SLC22A23: variants seen among roughly 807,000 people sequenced by gnomAD.
The protein encoded by SLC22A23 is solute carrier family 22 member 23.
In SLC22A23, 26 loss-of-function variants were observed where a neutral mutation model predicts 61.0. That is an observed-to-expected ratio of 0.43 (90% CI 0.31 to 0.59). The LOEUF is 0.59. SLC22A23 is among the 20% of genes least tolerant of loss of function. The pLI, the probability that SLC22A23 is intolerant of heterozygous loss-of-function variation, is 0.11. For missense variants in SLC22A23, 796 were observed against 934.7 expected (o/e 0.85, Z 1.94); for synonymous variants, 430 against 413.9 (o/e 1.04, Z -0.47).
At chr6:3,301,654 TAGGGCCACGTACCCCA>T (rs1404176934) in intron 4 of SLC22A23, among the ~76,000 whole-genome samples, 1 of 152,144 alleles carries the variant, frequency 6.6e-6, no homozygotes, top group Non-Finnish European at 1.5e-5. Context: ...TTCCAACCCC[TAGGGCCACGTACCCCA>T]AGGGCCACTG....
chr6:3,435,897 C>T (rs553651057), intron 1 of SLC22A23, among the ~76,000 whole-genome samples: 2 of 152,270 alleles, frequency 1.3e-5, no homozygotes, highest in Admixed American at 6.5e-5. Flanking sequence ...GGGAGGACCA[C>T]GTGGGGACAG....
At chr6:3,290,078 C>T (rs1208039241) in intron 5 of SLC22A23, 17 of 586,258 alleles carry the variant, frequency 2.9e-5, no homozygotes, top group African/African-American at 2.7e-4. Flanking sequence ...AGGTTTCGCT[C>T]GGGTGCCTGA....
At chr6:3,361,960 G>A (rs1206117943) in intron 3 of SLC22A23, among the ~76,000 whole-genome samples, 2 of 152,182 alleles carry the variant, frequency 1.3e-5, no homozygotes, top group African/African-American at 4.8e-5. Context: ...TGATGGTCAT[G>A]CCAGAGTGCA....
chr6:3,456,293 C>T lies in SLC22A23; in HGVS notation c.267G>A (p.Gly89=). Residue 89 remains glycine, a synonymous_variant, in exon 1 of 10, where the codon GGG becomes GGA. Transcript: ENST00000406686. The surrounding 1 kb of genome is among the most constrained non-coding windows in gnomAD (Gnocchi z 7.1). ...TCTTCTGATAGCCCCCGCCCAGGCC[C>T]CCGAGGAAGGGCAGCACCGACCCGT... ...DYDGSVLPFL[G]GLGGGYQKTL... 6.4e-7 allele frequency: 1 copy of T among 1,551,154 alleles called. No homozygotes were observed. The highest frequency in any genetic ancestry group is 8.7e-7 in the Non-Finnish European group (1 of 1,146,816).
intron 1 of SLC22A23, among the ~76,000 whole-genome samples, chr6:3,445,236 T>A (rs1204284815): frequency 6.6e-6 from 1 of 151,742 alleles, no homozygotes; most frequent in East Asian, 1.9e-4. Flanking sequence ...TCTCACTGTG[T>A]CCCCCAGGCT....
intron 3 of SLC22A23, among the ~76,000 whole-genome samples, chr6:3,346,691 G>C (rs1764458372): frequency 6.6e-6 from 1 of 152,056 alleles, no homozygotes; most frequent in African/African-American, 2.4e-5. Flanking sequence ...AGCCTCTTGG[G>C]AGTCCATGGG....
chr6:3,355,386 T>G (rs949050965), intron 3 of SLC22A23, among the ~76,000 whole-genome samples: 3 of 152,114 alleles, frequency 2.0e-5, no homozygotes, highest in African/African-American at 4.8e-5. Context: ...ATGCTGCTCG[T>G]GGGTTCGTCA....
intron 1 of SLC22A23, among the ~76,000 whole-genome samples, chr6:3,423,254 A>T (rs1373552847): frequency 6.6e-6 from 1 of 152,032 alleles, no homozygotes; most frequent in Non-Finnish European, 1.5e-5. Flanking sequence ...AGTGATGTGT[A>T]GGATTATCTC....
Position 3,324,122 on chromosome 6 carries a change from C to T in SLC22A23, c.914-120G>A, listed in dbSNP as rs1436080740. 1 of 1,256,848 alleles carries T rather than the reference C, an allele frequency of 8.0e-7. No individual in the cohort carries two copies. Among genetic ancestry groups the T allele is most frequent in the Non-Finnish European group, 1.1e-6 (1 of 900,846 alleles). 77.9% of individuals were successfully genotyped at this position (1,256,848 alleles called of 1,614,324 possible). A position where few individuals can be genotyped will look rare whatever the true frequency, so the allele number is the denominator to read the frequency against. On this transcript the variant is annotated intron_variant, in intron 3 of 9. Transcript: ENST00000406686. The surrounding 1 kb of genome is among the most constrained non-coding windows in gnomAD (Gnocchi z 4.3). ...CAACGACTGAAATTGTTTTCATCTG[C>T]TGCCCACCACAAGTGCCCTATGTGG...
chr6:3,280,907 TGTCAGGGAGTCGTCA>T (rs1343404357), intron 9 of SLC22A23, among the ~76,000 whole-genome samples: 2 of 152,048 alleles, frequency 1.3e-5, no homozygotes, highest in African/African-American at 4.8e-5. Context: ...GGAAGACAGA[TGTCAGGGAGTCGTCA>T]GTCAGGGAGT....
At chr6:3,383,085 A>G (rs1767055187) in intron 3 of SLC22A23, among the ~76,000 whole-genome samples, 1 of 152,222 alleles carries the variant, frequency 6.6e-6, no homozygotes, top group Admixed American at 6.5e-5. Context: ...AGAGATGTAT[A>G]AAAGCAATGA....
chr6:3,419,027 C>T (rs1204845007), intron 1 of SLC22A23, among the ~76,000 whole-genome samples: 1 of 152,218 alleles, frequency 6.6e-6, no homozygotes, highest in Non-Finnish European at 1.5e-5. Context: ...AATTTGTTCA[C>T]ATTGCTCTAG....
intron 1 of SLC22A23, among the ~76,000 whole-genome samples, chr6:3,429,491 GCCCA>G (rs550357270): frequency 0.32 from 48,170 of 151,940 alleles, 8,447 homozygotes; most frequent in East Asian, 0.48. Context: ...AAGTCCATTA[GCCCA>G]AGCCGATTAG....
At chr6:3,428,815 G>T (rs553557905) in intron 1 of SLC22A23, among the ~76,000 whole-genome samples, 1 of 152,184 alleles carries the variant, frequency 6.6e-6, no homozygotes, top group Non-Finnish European at 1.5e-5. Context: ...TGCCTAAAAG[G>T]GTAACAATAA....
At chr6:3,352,595 C>A (rs1367990384) in intron 3 of SLC22A23, among the ~76,000 whole-genome samples, 1 of 152,168 alleles carries the variant, frequency 6.6e-6, no homozygotes, top group Non-Finnish European at 1.5e-5. Flanking sequence ...CTCTGCCATT[C>A]TTGTTTTTCC....
At chr6:3,422,372 C>A (rs1254401663) in intron 1 of SLC22A23, among the ~76,000 whole-genome samples, 1 of 152,124 alleles carries the variant, frequency 6.6e-6, no homozygotes, top group Non-Finnish European at 1.5e-5. Flanking sequence ...CACAGACGGA[C>A]AAAAGAAACA....
intron 3 of SLC22A23, among the ~76,000 whole-genome samples, chr6:3,332,763 C>A (rs938290869): frequency 6.6e-6 from 1 of 152,062 alleles, no homozygotes; most frequent in Admixed American, 6.5e-5. Context: ...TCAAAAAAGT[C>A]TCTTTATAGT....
intron 9 of SLC22A23, among the ~76,000 whole-genome samples, chr6:3,275,032 A>G (rs190900507): frequency 6.6e-6 from 1 of 152,310 alleles, no homozygotes; most frequent in Non-Finnish European, 1.5e-5. Flanking sequence ...AGTCAAAAAC[A>G]ATTTTGGAAA....
At chr6:3,433,320 C>T (rs544009518) in intron 1 of SLC22A23, among the ~76,000 whole-genome samples, 68 of 152,270 alleles carry the variant, frequency 4.5e-4, no homozygotes, top group Admixed American at 1.3e-3. Flanking sequence ...CCCACGGCCT[C>T]CTTATCAGCC....
Sources: gnomAD v4.1 joint callset for allele counts (sites outside exome capture counted in the v4.1 genomes callset) on GRCh38, gnomAD v4.1.1 for gene constraint, Gnocchi (gnomAD v3.1) non-coding constraint, MANE v1.5 for transcripts, NCBI Gene and HGNC (gene_info 2026-07-23, HGNC 2026-07-21) for gene names.